The following SGCZ variants were observed in gnomAD, a reference collection of about 807,000 sequenced individuals.
The protein encoded by SGCZ is sarcoglycan zeta, also known as zeta-sarcoglycan.
SGCZ carries 40 observed loss-of-function variants against 41.3 expected under a neutral mutation model. The ratio of observed to expected loss-of-function variants is 0.97; its 90% CI spans 0.75 to 1.26. The LOEUF is 1.26. Ranked by LOEUF, SGCZ falls within the 50% of genes most tolerant of loss-of-function variation. The pLI is 0.00. For missense variants in SGCZ, 552 were observed against 369.8 expected (o/e 1.49, Z -4.04); for synonymous variants, 206 against 137.5 (o/e 1.50, Z -3.49).
At chr8:14,652,264 C>T (rs573673483) in intron 1 of SGCZ, among the ~76,000 whole-genome samples, 3 of 130,132 alleles carry the variant, frequency 2.3e-5, no homozygotes, top group African/African-American at 2.9e-5. Context: ...TTGCTTGAAC[C>T]CGGGAGGTGG....
At chr8:14,727,427 T>G (rs1810091476) in intron 1 of SGCZ, among the ~76,000 whole-genome samples, 1 of 152,136 alleles carries the variant, frequency 6.6e-6, no homozygotes, top group African/African-American at 2.4e-5. Flanking sequence ...TGGCAATATC[T>G]TATGAAATTT....
chr8:14,839,471 A>T (rs1454433942), intron 1 of SGCZ, among the ~76,000 whole-genome samples: 2 of 152,184 alleles, frequency 1.3e-5, no homozygotes, highest in Non-Finnish European at 2.9e-5. Context: ...GAGAAAAGTT[A>T]AATAGAGATT....
chr8:14,754,539 A>G (rs1799598007), intron 1 of SGCZ, among the ~76,000 whole-genome samples: 1 of 152,202 alleles, frequency 6.6e-6, no homozygotes, highest in African/African-American at 2.4e-5. Context: ...TTACACATAT[A>G]TTATAGGAAT....
intron 1 of SGCZ, among the ~76,000 whole-genome samples, chr8:14,611,633 T>A (rs1370091914): frequency 3.3e-5 from 5 of 152,196 alleles, no homozygotes; most frequent in Non-Finnish European, 7.4e-5. Flanking sequence ...GAACATTATT[T>A]TCTTGACAGA....
intron 1 of SGCZ, among the ~76,000 whole-genome samples, chr8:15,110,727 G>C (rs905867857): frequency 6.6e-6 from 1 of 152,168 alleles, no homozygotes; most frequent in African/African-American, 2.4e-5. Context: ...CCAGCACTTT[G>C]GGAAGCCAAG....
intron 2 of SGCZ, among the ~76,000 whole-genome samples, chr8:14,524,268 T>C (rs79475781): frequency 0.035 from 5,268 of 152,026 alleles, 300 homozygotes; most frequent in African/African-American, 0.12. Context: ...GGGTATGTGC[T>C]GCCTTACTGA....
intron 1 of SGCZ, among the ~76,000 whole-genome samples, chr8:14,652,353 G>GGGC (rs1554473420): frequency 1.0e-5 from 1 of 97,006 alleles, no homozygotes; most frequent in Non-Finnish European, 2.3e-5. Flanking sequence ...AAAAGGGGGG[G>GGGC]GTGTGGGGGG....
At chr8:15,158,157 A>C (rs1585623568) in intron 1 of SGCZ, among the ~76,000 whole-genome samples, 1 of 139,274 alleles carries the variant, frequency 7.2e-6, no homozygotes, top group African/African-American at 2.7e-5. Flanking sequence ...CAATTTTTCT[A>C]GTTTGCCACA....
chr8:14,994,260 G>C (rs150113410), intron 1 of SGCZ, among the ~76,000 whole-genome samples: 1 of 152,142 alleles, frequency 6.6e-6, no homozygotes, highest in Non-Finnish European at 1.5e-5. Context: ...TACAGTGGCG[G>C]TTCCACATTT....
At chr8:14,982,691 G>C (rs1341836970) in intron 1 of SGCZ, among the ~76,000 whole-genome samples, 1 of 152,128 alleles carries the variant, frequency 6.6e-6, no homozygotes, top group Non-Finnish European at 1.5e-5. Context: ...ATTGTAAGTG[G>C]TCAAATATAT....
chr8:14,817,683 C>G (rs989881384), intron 1 of SGCZ, among the ~76,000 whole-genome samples: 1 of 152,206 alleles, frequency 6.6e-6, no homozygotes, highest in Non-Finnish European at 1.5e-5. Flanking sequence ...TGGCACCACC[C>G]TCATTCCGCC....
intron 1 of SGCZ, among the ~76,000 whole-genome samples, chr8:14,597,286 G>A (rs79168244): frequency 1.3e-5 from 2 of 152,168 alleles, no homozygotes; most frequent in Non-Finnish European, 2.9e-5. Context: ...ACTATGTGAA[G>A]TCCTATATGG....
chr8:15,053,399 T>C (rs878960851), intron 1 of SGCZ, among the ~76,000 whole-genome samples: 1 of 152,188 alleles, frequency 6.6e-6, no homozygotes, highest in Admixed American at 6.5e-5. Flanking sequence ...TCTTCCGTAG[T>C]TGATTTCACA....
chr8:14,777,935 G>GA (rs1250460904), intron 1 of SGCZ, among the ~76,000 whole-genome samples: 16 of 147,416 alleles, frequency 1.1e-4, no homozygotes, highest in Non-Finnish European at 2.2e-4. Flanking sequence ...ATCATTTAAA[G>GA]AAAAAAATTG....
At chr8:14,460,700 G>C (rs114305759) in intron 2 of SGCZ, among the ~76,000 whole-genome samples, 270 of 152,220 alleles carry the variant, frequency 1.8e-3, no homozygotes, top group African/African-American at 6.3e-3. Context: ...TTTGCCTTGT[G>C]TATTAGATCA....
intron 2 of SGCZ, among the ~76,000 whole-genome samples, chr8:14,530,001 G>C (rs1203448126): frequency 6.6e-6 from 1 of 152,054 alleles, no homozygotes; most frequent in Non-Finnish European, 1.5e-5. Flanking sequence ...CACAATGACT[G>C]ACTTTAGGCT....
chr8:14,940,810 G>C lies in SGCZ; in HGVS notation c.39+296775C>G, dbSNP rs75122187. Among the ~76,000 whole-genome samples the C allele has an allele frequency of 6.9e-3, 1,049 of 152,046 alleles. 21 individuals carry two copies. Among genetic ancestry groups the C allele is most frequent in the African/African-American group, 0.024 (1,000 of 41,516 alleles). ...AAAGACACTTTAAATGAAGTCAGAA[G>C]TGAAACCACAGAAAGGGGGAGACGT... On this transcript the variant is annotated intron_variant, in intron 1 of 7. Transcript: ENST00000382080.
At chr8:14,651,818 C>T (rs1370471417) in intron 1 of SGCZ, among the ~76,000 whole-genome samples, 1 of 151,768 alleles carries the variant, frequency 6.6e-6, no homozygotes, top group African/African-American at 2.4e-5. Flanking sequence ...CTAGCCATTG[C>T]TCCTCAAAAT....
chr8:14,926,085 G>T (rs1313580894), intron 1 of SGCZ, among the ~76,000 whole-genome samples: 1 of 152,184 alleles, frequency 6.6e-6, no homozygotes, highest in Admixed American at 6.5e-5. Context: ...CAGGATTAAT[G>T]TATAGGACAA....
Sources: gnomAD v4.1 joint callset for allele counts (sites outside exome capture counted in the v4.1 genomes callset) on GRCh38, gnomAD v4.1.1 for gene constraint, MANE v1.5 for transcripts, NCBI Gene and HGNC (gene_info 2026-07-23, HGNC 2026-07-21) for gene names.